Variants in CLASP1 observed in about 807,000 individuals in gnomAD.
CLASP1 encodes the protein cytoplasmic linker associated protein 1.
A neutral mutation model predicts 192.3 loss-of-function variants in CLASP1; 38 were observed. That is an observed-to-expected ratio of 0.20 (90% confidence interval 0.15 to 0.26). The LOEUF (loss-of-function observed/expected upper bound fraction) is 0.26, where lower values mean the gene tolerates loss of function less well. Ranked by LOEUF, CLASP1 falls within the 10% of genes least tolerant of loss-of-function variation. The pLI, the probability that CLASP1 is intolerant of heterozygous loss-of-function variation, is 1.00. For synonymous variants in CLASP1, 691 were observed against 712.8 expected (o/e 0.97, Z 0.49); for missense variants, 1,433 against 1,932.5 (o/e 0.74, Z 4.85).
At chr2:121,444,635 G>A (rs1279913070) in intron 19 of CLASP1, among the ~76,000 whole-genome samples, 1 of 152,230 alleles carries the variant, frequency 6.6e-6, no homozygotes. Context: ...CATGAGGACA[G>A]TAGCACACAG....
intron 2 of CLASP1, among the ~76,000 whole-genome samples, chr2:121,594,029 T>C (rs1197503112): frequency 2.6e-4 from 40 of 151,348 alleles, no homozygotes; most frequent in Non-Finnish European, 5.9e-5. Context: ...CCTGGCGCGG[T>C]GGCTCACGCC....
chr2:121,584,107 C>T (rs915610273), intron 2 of CLASP1, among the ~76,000 whole-genome samples: 17 of 152,044 alleles, frequency 1.1e-4, no homozygotes, highest in African/African-American at 4.1e-4. Flanking sequence ...GTAAGAAATA[C>T]ATTTATTTTT....
intron 2 of CLASP1, among the ~76,000 whole-genome samples, chr2:121,585,095 G>A (rs556726639): frequency 1.6e-4 from 24 of 152,310 alleles, no homozygotes; most frequent in Non-Finnish European, 2.6e-4. Flanking sequence ...AAAAACTATG[G>A]AGAGATTAAG....
chr2:121,544,533 C>T (rs1378289386), intron 2 of CLASP1, among the ~76,000 whole-genome samples: 1 of 150,834 alleles, frequency 6.6e-6, no homozygotes, highest in African/African-American at 2.4e-5. Context: ...TCTCTAAATT[C>T]ATGCAATACA....
At chr2:121,405,857 T>C (rs910737850) in intron 25 of CLASP1, among the ~76,000 whole-genome samples, 2 of 152,132 alleles carry the variant, frequency 1.3e-5, no homozygotes, top group Non-Finnish European at 2.9e-5. Context: ...AGACAAATAA[T>C]AGGGGCAGGT....
chr2:121,362,660 G>T (rs375229705), intron 37 of CLASP1, among the ~76,000 whole-genome samples: 1 of 152,300 alleles, frequency 6.6e-6, no homozygotes, highest in Non-Finnish European at 1.5e-5. Context: ...ATCATCCCTG[G>T]TCATCTCATT....
intron 37 of CLASP1, among the ~76,000 whole-genome samples, chr2:121,354,299 G>A (rs2065020410): frequency 1.3e-5 from 2 of 152,172 alleles, no homozygotes; most frequent in Non-Finnish European, 2.9e-5. Context: ...TAGTTCTTTG[G>A]AAAAGAGACT....
At chr2:121,456,669 G>A (rs749712847) in intron 14 of CLASP1, among the ~76,000 whole-genome samples, 6 of 152,140 alleles carry the variant, frequency 3.9e-5, no homozygotes, top group South Asian at 4.2e-4. Flanking sequence ...ATTTTAAAAC[G>A]ACAAATATAG....
chr2:121,618,048 C>G (rs1363385696), intron 1 of CLASP1, among the ~76,000 whole-genome samples: 1 of 152,170 alleles, frequency 6.6e-6, no homozygotes. Context: ...CCTCAGAGAC[C>G]CATTGGAAGG....
At chr2:121,528,653 T>G (rs759824577) in intron 4 of CLASP1, 24 bp downstream of exon 4, 2 of 1,608,248 alleles carry the variant, frequency 1.2e-6, no homozygotes, top group African/African-American at 2.7e-5. Context: ...CCAGCTGACC[T>G]CAAAACACAT....
At chr2:121,474,288 G>A (rs746238283) in intron 8 of CLASP1, among the ~76,000 whole-genome samples, 1 of 152,146 alleles carries the variant, frequency 6.6e-6, no homozygotes, top group Non-Finnish European at 1.5e-5. Flanking sequence ...GAAAATGGAA[G>A]TGGTTCCATT....
At chr2:121,543,977 G>C (rs1575833701) in intron 2 of CLASP1, among the ~76,000 whole-genome samples, 1 of 152,304 alleles carries the variant, frequency 6.6e-6, no homozygotes, top group Non-Finnish European at 1.5e-5. Context: ...CTACTTTGCA[G>C]ATAAGGAAAC....
intron 13 of CLASP1, among the ~76,000 whole-genome samples, chr2:121,458,033 G>C (rs2087062015): frequency 6.6e-6 from 1 of 152,114 alleles, no homozygotes; most frequent in African/African-American, 2.4e-5. Flanking sequence ...CATCTGAGTG[G>C]GTTTAAAAGG....
At position 121,631,032 on chromosome 2, in the gene CLASP1, G is replaced by A. The variant is rs1376459172; in HGVS notation, c.-286+18340C>T. ...AAATTAGCCGGGTGTGGTGGCAGGC[G>A]CCCATAGTCCCAGCTACTCGGGAGA... is the stretch of plus-strand genomic sequence containing the variant. On this transcript the variant is annotated intron_variant, in intron 1 of 39. Transcript: ENST00000263710. Among the ~76,000 whole-genome samples, 6 of 150,814 alleles carry A rather than the reference G, an allele frequency of 4.0e-5. No individual in the cohort carries two copies. In the East Asian group the frequency reaches 7.9e-4, roughly 20 times the overall value.
intron 8 of CLASP1, among the ~76,000 whole-genome samples, chr2:121,478,948 C>CA (rs2092275915): frequency 2.7e-4 from 25 of 92,798 alleles, no homozygotes; most frequent in African/African-American, 1.0e-3. Flanking sequence ...CCCACACACA[C>CA]ACCACACACA....
intron 2 of CLASP1, chr2:121,530,851 C>T (rs1019166126): frequency 2.2e-5 from 15 of 668,250 alleles, no homozygotes; most frequent in Admixed American, 8.5e-5. Flanking sequence ...TTGGCGCTTC[C>T]TGCTTGCAGC....
chr2:121,609,422 G>A (rs1229572503), intron 1 of CLASP1, among the ~76,000 whole-genome samples: 1 of 152,160 alleles, frequency 6.6e-6, no homozygotes, highest in Non-Finnish European at 1.5e-5. Flanking sequence ...GCTTTAAGCA[G>A]ATTGAATTCT....
chr2:121,530,442 C>A, intron 2 of CLASP1, 117 bp from the exon 3 acceptor site: 1 of 684,506 alleles, frequency 1.5e-6, no homozygotes, highest in Non-Finnish European at 2.6e-6. Flanking sequence ...AGAGTCCAGA[C>A]GCATGCCGAC....
At chr2:121,455,342 T>C (rs1365952200) in intron 14 of CLASP1, among the ~76,000 whole-genome samples, 5 of 152,306 alleles carry the variant, frequency 3.3e-5, no homozygotes, top group Non-Finnish European at 5.9e-5. Flanking sequence ...TGAAGAGATA[T>C]CTGAACTCTC....
Sources: gnomAD v4.1 joint callset for allele counts (sites outside exome capture counted in the v4.1 genomes callset) on GRCh38, gnomAD v4.1.1 for gene constraint, MANE v1.5 for transcripts, NCBI Gene and HGNC (gene_info 2026-07-23, HGNC 2026-07-21) for gene names.